The following CSMD2 variants were observed in gnomAD, a reference collection of about 807,000 sequenced individuals.
The protein encoded by CSMD2 is CUB and sushi domain-containing protein 2.
In CSMD2, 130 loss-of-function variants were observed where a neutral mutation model predicts 398.5. That is an observed-to-expected ratio of 0.33 (90% confidence interval 0.28 to 0.38). The LOEUF is 0.38. Ranked by LOEUF, CSMD2 falls within the 10% of genes least tolerant of loss-of-function variation. The pLI is 1.00. For missense variants in CSMD2, 3,829 were observed against 4,764.9 expected (o/e 0.80, Z 5.78); for synonymous variants, 1,828 against 1,908.5 (o/e 0.96, Z 1.10).
chr1:33,829,409 T>C (rs913571503), intron 6 of CSMD2, among the ~76,000 whole-genome samples: 2 of 152,232 alleles, frequency 1.3e-5, no homozygotes, highest in Non-Finnish European at 2.9e-5. Flanking sequence ...TTTATTATTA[T>C]ACTTAAAGTT....
At chr1:33,793,321 T>C (rs1279211463) in intron 10 of CSMD2, among the ~76,000 whole-genome samples, 1 of 151,960 alleles carries the variant, frequency 6.6e-6, no homozygotes, top group Non-Finnish European at 1.5e-5. Context: ...AGGGGGATGC[T>C]TGGAGAGGGA....
intron 1 of CSMD2, among the ~76,000 whole-genome samples, chr1:34,141,670 A>T (rs1639308309): frequency 7.5e-6 from 1 of 133,064 alleles, no homozygotes; most frequent in Non-Finnish European, 1.7e-5. Flanking sequence ...GGTCAGGAAG[A>T]AAATGAGGGG....
At chr1:33,653,883 T>C (rs539803446) in intron 27 of CSMD2, among the ~76,000 whole-genome samples, 1 of 152,116 alleles carries the variant, frequency 6.6e-6, no homozygotes, top group South Asian at 2.1e-4. Flanking sequence ...AGATGAGTCT[T>C]TGTGGGGGGA....
Position 33,523,391 on chromosome 1 carries a change from G to A in CSMD2, c.10425C>T (p.Leu3475=), listed in dbSNP as rs1654483403. The A allele has an allele frequency of 6.4e-7, 1 of 1,560,022 alleles. No homozygotes were observed. The highest frequency in any genetic ancestry group is 1.1e-5 in the South Asian group (1 of 88,408). The stretch of plus-strand genomic sequence containing the variant: ...CTGTAATCTGGTACACCTGGAGTAG[G>A]AGATGAAAATCTTCTTTCTTGTAAG... ...AGTYKKEDFH[L]LLQVYQITGP... Residue 3475 remains leucine, a synonymous_variant, in exon 67 of 71, where the codon CTC becomes CTT. Coordinates refer to ENST00000373381, the MANE Select transcript of CSMD2 (RefSeq NM_001281956.2).
intron 27 of CSMD2, among the ~76,000 whole-genome samples, chr1:33,656,249 T>C (rs1012913664): frequency 1.3e-5 from 2 of 152,194 alleles, no homozygotes; most frequent in African/African-American, 4.8e-5. Context: ...GAAGTGTATT[T>C]ACCCTCAGAG....
At chr1:33,605,811 C>T (rs1640557076) in intron 41 of CSMD2, 1 of 1,471,156 alleles carries the variant, frequency 6.8e-7, no homozygotes, top group Non-Finnish European at 9.4e-7. Context: ...CTGAGTGCCA[C>T]TGGGGGCCAG....
intron 21 of CSMD2, among the ~76,000 whole-genome samples, chr1:33,712,453 G>A (rs1181966512): frequency 6.6e-6 from 1 of 152,244 alleles, no homozygotes; most frequent in Admixed American, 6.5e-5. Flanking sequence ...GCAGCCCCCG[G>A]TGGGCATTCC....
chr1:33,691,877 T>C (rs1218943644), intron 25 of CSMD2, among the ~76,000 whole-genome samples: 1 of 152,132 alleles, frequency 6.6e-6, no homozygotes, highest in Middle Eastern at 3.2e-3. Context: ...AATTCCCTTG[T>C]TCTATCCTCC....
chr1:34,040,873 C>A (rs1651768153), intron 2 of CSMD2, among the ~76,000 whole-genome samples: 1 of 152,060 alleles, frequency 6.6e-6, no homozygotes, highest in Non-Finnish European at 1.5e-5. Flanking sequence ...GCCTGTAATC[C>A]CAACATTTTG....
At chr1:33,843,131 C>T (rs1489699465) in intron 6 of CSMD2, among the ~76,000 whole-genome samples, 1 of 152,224 alleles carries the variant, frequency 6.6e-6, no homozygotes, top group Non-Finnish European at 1.5e-5. Flanking sequence ...CTGTGCCTCT[C>T]TTTAACCTGT....
At chr1:34,165,796 G>A, upstream of CSMD2, 1 of 1,613,224 alleles carries the variant, frequency 6.2e-7, no homozygotes, top group Non-Finnish European at 8.5e-7. Flanking sequence ...GGCCGGGGGC[G>A]ATGCTTATGA....
chr1:33,714,885 A>C, intron 20 of CSMD2, 110 bp from the exon 21 acceptor site: 2 of 1,044,972 alleles, frequency 1.9e-6, no homozygotes, highest in Non-Finnish European at 2.8e-6. Context: ...GGGACAACGA[A>C]AGACAGAGAA....
chr1:33,524,004 T>G (rs1654550088), intron 66 of CSMD2, among the ~76,000 whole-genome samples: 1 of 152,226 alleles, frequency 6.6e-6, no homozygotes, highest in African/African-American at 2.4e-5. Flanking sequence ...TTGGGAAAAT[T>G]TTAGAAAATG....
intron 29 of CSMD2, among the ~76,000 whole-genome samples, chr1:33,646,371 T>C (rs1643426078): frequency 6.6e-6 from 1 of 152,096 alleles, no homozygotes; most frequent in South Asian, 2.1e-4. Flanking sequence ...GGAATGACCC[T>C]CATAGAAAAA....
chr1:33,938,347 T>G (rs1255984615), intron 3 of CSMD2, among the ~76,000 whole-genome samples: 1 of 152,226 alleles, frequency 6.6e-6, no homozygotes, highest in African/African-American at 2.4e-5. Context: ...TTTCCCATGA[T>G]CCTGTACTGC....
chr1:33,767,676 C>T (rs897248671), intron 13 of CSMD2, among the ~76,000 whole-genome samples: 1 of 152,184 alleles, frequency 6.6e-6, no homozygotes, highest in East Asian at 1.9e-4. Context: ...GAAGAGGTTT[C>T]AACCCCAGTA....
intron 3 of CSMD2, among the ~76,000 whole-genome samples, chr1:33,986,639 G>A (rs1029233446): frequency 6.6e-6 from 1 of 152,176 alleles, no homozygotes; most frequent in African/African-American, 2.4e-5. Context: ...GCCTCTGTCT[G>A]TGCTGTATTT....
At chr1:33,523,869 G>A (rs1654535996) in intron 66 of CSMD2, among the ~76,000 whole-genome samples, 1 of 152,142 alleles carries the variant, frequency 6.6e-6, no homozygotes, top group African/African-American at 2.4e-5. Context: ...TGCGTAGATA[G>A]GATTTTATGT....
intron 1 of CSMD2, among the ~76,000 whole-genome samples, chr1:34,105,092 G>A (rs1660400340): frequency 1.3e-5 from 2 of 152,216 alleles, no homozygotes; most frequent in Admixed American, 1.3e-4. Context: ...AGTGCTGGGT[G>A]ACACAATTAT....
Sources: allele counts gnomAD v4.1 joint callset (sites outside exome capture counted in the v4.1 genomes callset), GRCh38; gene constraint gnomAD v4.1.1; transcripts MANE v1.5; gene names NCBI Gene and HGNC (gene_info 2026-07-23, HGNC 2026-07-21).